The following GPM6B variants were observed in gnomAD, a reference collection of about 807,000 sequenced individuals.
GPM6B encodes glycoprotein M6B.
GPM6B carries 4 observed loss-of-function variants against 27.2 expected under a neutral mutation model. The ratio of observed to expected loss-of-function variants is 0.15; its 90% CI spans 0.07 to 0.34. The LOEUF (loss-of-function observed/expected upper bound fraction) is 0.34, where lower values mean the gene tolerates loss of function less well. GPM6B is among the 10% of genes least tolerant of loss of function. The pLI is 1.00. For missense variants in GPM6B, 183 were observed against 261.9 expected, an observed-to-expected ratio of 0.70 and a Z score of 2.08; for synonymous variants, 124 against 103.1, an observed-to-expected ratio of 1.20 and a Z score of -1.23.
At chrX:13,851,992 A>G (rs2049723763) in intron 1 of GPM6B, among the ~76,000 whole-genome samples, 1 of 109,954 alleles carries the variant, frequency 9.1e-6, no homozygotes, top group African/African-American at 3.3e-5. Context: ...GGCCTTACCT[A>G]CTACAGATGA....
chrX:13,803,300 C>T (rs1228247092), intron 2 of GPM6B, among the ~76,000 whole-genome samples: 1 of 110,266 alleles, frequency 9.1e-6, no homozygotes, highest in Non-Finnish European at 1.9e-5. Context: ...CAGTCTGCTA[C>T]CCGCCCCCAC....
intron 1 of GPM6B, among the ~76,000 whole-genome samples, chrX:13,913,879 G>A (rs939971807): frequency 9.0e-6 from 1 of 111,012 alleles, no homozygotes; most frequent in Non-Finnish European, 1.9e-5. Flanking sequence ...AGCCTCCCGA[G>A]TAGCTGGGAC....
At chrX:13,920,687 A>C (rs1359271920) in intron 1 of GPM6B, among the ~76,000 whole-genome samples, 3 of 111,103 alleles carry the variant, frequency 2.7e-5, no homozygotes, top group Non-Finnish European at 5.7e-5. Flanking sequence ...GTCAGGAGAT[A>C]GAGACCATCC....
chrX:13,905,750 C>A (rs1036139855), intron 1 of GPM6B, among the ~76,000 whole-genome samples: 3 of 111,643 alleles, frequency 2.7e-5, no homozygotes, highest in Non-Finnish European at 5.6e-5. Context: ...TGCCTGCCTT[C>A]CCAGTTTCCT....
intron 2 of GPM6B, among the ~76,000 whole-genome samples, chrX:13,806,522 C>G (rs1172958447): frequency 8.9e-6 from 1 of 111,956 alleles, no homozygotes; most frequent in African/African-American, 3.2e-5. Flanking sequence ...ACACACAGAA[C>G]CAACACCTGA....
intron 1 of GPM6B, among the ~76,000 whole-genome samples, chrX:13,832,971 A>G (rs890105419): frequency 8.9e-6 from 1 of 112,204 alleles, no homozygotes; most frequent in Non-Finnish European, 1.9e-5. Context: ...AGGAAAGGTC[A>G]AAATCTGAGG....
intron 1 of GPM6B, among the ~76,000 whole-genome samples, chrX:13,814,519 C>T (rs183308535): frequency 3.6e-5 from 4 of 112,547 alleles, no homozygotes; most frequent in African/African-American, 1.3e-4. Flanking sequence ...ATAATTATGT[C>T]AAGTTTTCAA....
intron 1 of GPM6B, among the ~76,000 whole-genome samples, chrX:13,877,553 T>C (rs1042974189): frequency 5.4e-5 from 6 of 110,370 alleles, no homozygotes; most frequent in African/African-American, 2.0e-4. Flanking sequence ...CCAGGCACAG[T>C]GGCATACATC....
At chrX:13,786,875 C>T (rs1305931340) in intron 2 of GPM6B, among the ~76,000 whole-genome samples, 1 of 109,470 alleles carries the variant, frequency 9.1e-6, no homozygotes, top group Non-Finnish European at 1.9e-5. Flanking sequence ...AAAGGCAGCA[C>T]TGGCCTCAGG....
At position 13,785,770 on chromosome X, in the gene GPM6B, G is replaced by A; in HGVS notation, c.220C>T (p.Pro74Ser). The A allele has an allele frequency of 8.3e-7, 1 of 1,210,563 alleles. No individual in the cohort carries two copies. The highest frequency in any genetic ancestry group is 1.1e-6 in the Non-Finnish European group (1 of 894,574). ...ATGGTGGCCACCAGGGAGGCGTAGGGGACTCCTCCCAGACACTTGATGCAG... is the reference window on the plus strand; with the variant it reads ...ATGGTGGCCACCAGGGAGGCGTAGGAGACTCCTCCCAGACACTTGATGCAG... ...ECCIKCLGGV[P>S]YASLVATILC... Residue 74 changes from proline (P) to serine (S), a missense_variant, in exon 3 of 8, where the codon CCC becomes TCC. Pro to Ser is a moderately conservative substitution (Grantham distance 74, BLOSUM62 -1). Coordinates refer to ENST00000316715, the MANE Select transcript of GPM6B (RefSeq NM_001001995.3).
chrX:13,850,843 A>G (rs144769399), intron 1 of GPM6B, among the ~76,000 whole-genome samples: 1,354 of 111,715 alleles, frequency 0.012, 33 homozygotes, highest in African/African-American at 0.042. Flanking sequence ...ATAAATTAAA[A>G]CTATATTGAA....
At position 13,777,335 on chromosome X, in the gene GPM6B, A is replaced by AGT. The variant is rs2048432861; in HGVS notation, c.771+16_771+17insAC. On this transcript the variant is annotated intron_variant, in intron 6 of 7. Transcript: ENST00000316715. ...AGCCTAATACTCAAGGGTTATTCTG[A>AGT]ACTGTGATGAGTTTACCTCGTTTGT... The AGT allele has an allele frequency of 1.7e-6, 2 of 1,149,335 alleles. No individual in the cohort carries two copies. The highest frequency in any genetic ancestry group is 2.4e-6 in the Non-Finnish European group (2 of 838,522). The allele number at this position is 1,149,335 out of a possible 1,213,427, so 94.7% of individuals were successfully genotyped here.
intron 1 of GPM6B, among the ~76,000 whole-genome samples, chrX:13,842,944 A>G (rs1361041099): frequency 9.0e-6 from 1 of 111,561 alleles, no homozygotes. Flanking sequence ...TTGACATACC[A>G]TACAATTCAC....
At chrX:13,871,908 G>C (rs57120584) in intron 1 of GPM6B, among the ~76,000 whole-genome samples, 2,718 of 111,793 alleles carry the variant, frequency 0.024, 79 homozygotes, top group African/African-American at 0.084. Flanking sequence ...GGGAACAGAG[G>C]TGCAGACTGC....
At chrX:13,907,091 G>A (rs901806084) in intron 1 of GPM6B, among the ~76,000 whole-genome samples, 7 of 112,531 alleles carry the variant, frequency 6.2e-5, no homozygotes, top group African/African-American at 1.3e-4. Context: ...TAATTAGGGT[G>A]TAAAGCTAAT....
chrX:13,921,581 C>CCCT (rs1555932309), intron 1 of GPM6B, among the ~76,000 whole-genome samples: 7 of 92,822 alleles, frequency 7.5e-5, no homozygotes, highest in African/African-American at 2.8e-4. Flanking sequence ...AACCCCCCCC[C>CCCT]TTTTTTTTTT....
intron 1 of GPM6B, among the ~76,000 whole-genome samples, chrX:13,918,831 C>T (rs1255814773): frequency 1.8e-5 from 2 of 111,490 alleles, no homozygotes; most frequent in Non-Finnish European, 3.8e-5. Context: ...TGAGAACTAT[C>T]AGGAGGACAG....
At chrX:13,922,123 A>G (rs1327526770) in intron 1 of GPM6B, among the ~76,000 whole-genome samples, 1 of 111,471 alleles carries the variant, frequency 9.0e-6, no homozygotes, top group Non-Finnish European at 1.9e-5. Context: ...TCTCTGGAGT[A>G]GAGTCCCGCT....
intron 1 of GPM6B, among the ~76,000 whole-genome samples, chrX:13,874,388 G>C (rs1447239579): frequency 9.0e-6 from 1 of 110,843 alleles, no homozygotes; most frequent in Non-Finnish European, 1.9e-5. Context: ...ACAAGAACTG[G>C]TGAGCAACTT....
Sources: allele counts gnomAD v4.1 joint callset (sites outside exome capture counted in the v4.1 genomes callset), GRCh38; gene constraint gnomAD v4.1.1; transcripts MANE v1.5; gene names NCBI Gene and HGNC (gene_info 2026-07-23, HGNC 2026-07-21).